The following FGF14 variants were observed in gnomAD, a reference collection of about 807,000 sequenced individuals.
FGF14 encodes fibroblast growth factor homologous factor 4.
FGF14 carries 5 observed loss-of-function variants against 25.5 expected under a neutral mutation model. The ratio of observed to expected loss-of-function variants is 0.20; its 90% CI spans 0.10 to 0.41. The LOEUF (loss-of-function observed/expected upper bound fraction) is 0.41, where lower values mean the gene tolerates loss of function less well. Among genes scored for constraint, FGF14 ranks in the 10% least tolerant of loss-of-function variants. The pLI is 1.00. For missense variants in FGF14, 222 were observed against 320.1 expected (o/e 0.69, Z 2.34); for synonymous variants, 138 against 118.3 (o/e 1.17, Z -1.08).
chr13:102,072,599 T>C (rs1016886238), intron 1 of FGF14, among the ~76,000 whole-genome samples: 1 of 152,234 alleles, frequency 6.6e-6, no homozygotes, highest in African/African-American at 2.4e-5. Context: ...GGGAGTGTTA[T>C]ACACTGAATT....
intron 3 of FGF14, among the ~76,000 whole-genome samples, chr13:101,745,434 A>C (rs9585768): frequency 1.0e-3 from 153 of 152,180 alleles, no homozygotes; most frequent in African/African-American, 3.7e-3. Context: ...CAAATGTATA[A>C]AGTCACGCAT....
chr13:101,868,247 T>C (rs898250606), intron 3 of FGF14: 4 of 181,790 alleles, frequency 2.2e-5, no homozygotes, highest in Non-Finnish European at 4.6e-5. Context: ...CAGCTTCCAA[T>C]AAATATTACC....
intron 1 of FGF14, among the ~76,000 whole-genome samples, chr13:102,239,108 C>T (rs1054174014): frequency 9.9e-5 from 15 of 151,778 alleles, no homozygotes; most frequent in African/African-American, 3.1e-4. Context: ...AAACAAAAAA[C>T]GGTAAATGAC....
At chr13:101,971,229 G>A (rs971761009) in intron 1 of FGF14, among the ~76,000 whole-genome samples, 7 of 152,110 alleles carry the variant, frequency 4.6e-5, no homozygotes, top group Non-Finnish European at 2.9e-5. Flanking sequence ...TTTTAATTCT[G>A]TTCAGTGTTT....
chr13:102,222,751 T>C (rs1054605088), intron 1 of FGF14, among the ~76,000 whole-genome samples: 7 of 152,168 alleles, frequency 4.6e-5, no homozygotes, highest in African/African-American at 1.7e-4. Flanking sequence ...TGAGTAGTCT[T>C]TGTGGTTATC....
chr13:102,345,098 T>G (rs1013512428), intron 1 of FGF14, among the ~76,000 whole-genome samples: 4 of 152,194 alleles, frequency 2.6e-5, no homozygotes, highest in African/African-American at 9.6e-5. Context: ...TAACTTGCTA[T>G]AAACATCTGG....
chr13:102,279,737 TC>T (rs376835626), intron 1 of FGF14, among the ~76,000 whole-genome samples: 4 of 152,312 alleles, frequency 2.6e-5, no homozygotes, highest in African/African-American at 9.6e-5. Flanking sequence ...ATTGAACCCT[TC>T]TTGGAAACAA....
chr13:101,948,653 A>G (rs2035968461), intron 1 of FGF14, among the ~76,000 whole-genome samples: 1 of 151,998 alleles, frequency 6.6e-6, no homozygotes. Context: ...GCTTCCCAAT[A>G]CATAAGCTTC....
chr13:102,238,334 G>A (rs1357302612), intron 1 of FGF14, among the ~76,000 whole-genome samples: 1 of 152,180 alleles, frequency 6.6e-6, no homozygotes, highest in Non-Finnish European at 1.5e-5. Context: ...AGAATATAAA[G>A]AATGTTTCCA....
At chr13:102,201,213 G>A (rs1458812917) in intron 1 of FGF14, among the ~76,000 whole-genome samples, 1 of 149,818 alleles carries the variant, frequency 6.7e-6, no homozygotes, top group Admixed American at 6.6e-5. Context: ...TCTAGTGGGC[G>A]ATCTCCTCAA....
intron 1 of FGF14, among the ~76,000 whole-genome samples, chr13:101,959,859 C>T (rs1243661481): frequency 6.6e-6 from 1 of 152,148 alleles, no homozygotes; most frequent in Non-Finnish European, 1.5e-5. Flanking sequence ...ATTGCCTGGT[C>T]TCTGCTCGGT....
At chr13:102,015,439 C>T (rs2040289134) in intron 1 of FGF14, among the ~76,000 whole-genome samples, 2 of 152,114 alleles carry the variant, frequency 1.3e-5, no homozygotes, top group Non-Finnish European at 2.9e-5. Context: ...AAACAGTTAC[C>T]TTTAGACTAG....
chr13:101,811,729 A>T (rs1388885714), intron 3 of FGF14, among the ~76,000 whole-genome samples: 1 of 152,142 alleles, frequency 6.6e-6, no homozygotes, highest in East Asian at 1.9e-4. Flanking sequence ...TTACATCCCA[A>T]CCAGCAATGA....
intron 1 of FGF14, among the ~76,000 whole-genome samples, chr13:102,084,493 A>G (rs2043795278): frequency 6.6e-6 from 1 of 152,152 alleles, no homozygotes; most frequent in African/African-American, 2.4e-5. Flanking sequence ...TTCCTTTTAT[A>G]ATAGAGATTC....
intron 1 of FGF14, among the ~76,000 whole-genome samples, chr13:102,279,561 T>A (rs1188191055): frequency 6.6e-6 from 1 of 152,248 alleles, no homozygotes; most frequent in Non-Finnish European, 1.5e-5. Context: ...TGTTGATCAC[T>A]AATTTGTAAT....
At chr13:102,233,144 G>T (rs529161901) in intron 1 of FGF14, among the ~76,000 whole-genome samples, 2 of 151,916 alleles carry the variant, frequency 1.3e-5, no homozygotes, top group Non-Finnish European at 2.9e-5. Flanking sequence ...TGTTGTTGTT[G>T]TTGTTTTGAG....
At chr13:102,344,686 T>C (rs1445673955) in intron 1 of FGF14, among the ~76,000 whole-genome samples, 1 of 152,234 alleles carries the variant, frequency 6.6e-6, no homozygotes, top group African/African-American at 2.4e-5. Context: ...TAAGAGATCA[T>C]TGCCCTCTCA....
intron 1 of FGF14, among the ~76,000 whole-genome samples, chr13:102,313,430 G>T (rs1220104972): frequency 6.6e-6 from 1 of 152,170 alleles, no homozygotes; most frequent in Non-Finnish European, 1.5e-5. Context: ...CCAGGGAAGG[G>T]CACTCTCGTC....
chr13:102,366,105 C>T (rs1365973641), intron 1 of FGF14, among the ~76,000 whole-genome samples: 1 of 152,034 alleles, frequency 6.6e-6, no homozygotes, highest in Non-Finnish European at 1.5e-5. Context: ...TTATCTCACC[C>T]AACACAAGGT....
Sources: allele counts gnomAD v4.1 joint callset (sites outside exome capture counted in the v4.1 genomes callset), GRCh38; gene constraint gnomAD v4.1.1; transcripts MANE v1.5; gene names NCBI Gene and HGNC (gene_info 2026-07-23, HGNC 2026-07-21).